ZNF418: variants seen among roughly 807,000 people sequenced by gnomAD.
ZNF418 encodes the protein zinc finger protein 418.
Under a neutral mutation model 32.0 loss-of-function variants are expected in ZNF418, and 32 were observed. The observed-to-expected ratio is 1.00, with a 90% CI of 0.75 to 1.34. The LOEUF is 1.34. ZNF418 is among the 40% of genes most tolerant of loss of function. The probability of loss-of-function intolerance (pLI) is 0.00; values close to 1 mark genes in which losing one functional copy is unlikely to be tolerated. For synonymous variants in ZNF418, 276 were observed against 270.7 expected, an observed-to-expected ratio of 1.02 and a Z score of -0.19; for missense variants, 804 against 812.5, an observed-to-expected ratio of 0.99 and a Z score of 0.13.
chr19:57,923,120 G>C (rs992426286), intron 5 of ZNF418, 72 bp downstream of exon 5: 1 of 151,832 alleles, frequency 6.6e-6, no homozygotes, highest in African/African-American at 2.4e-5. Flanking sequence ...GAACAACATG[G>C]TAAAACCCCA....
rs2072438853 is a variant in ZNF418, at chr19:57,930,475, A to G, written c.86T>C (p.Leu29Pro). ...GTTCTCCAGCATCACGTCATGGTAA[A>G]GGCATCTCTGAACCTCACTAAGGAG... ...WSLLSEVQRC[L>P]YHDVMLENWV... The change falls in exon 3 of 6, where the codon CTT (leucine) becomes CCT (proline). Residue 29 changes from leucine to proline, a missense_variant. Coordinates refer to ENST00000396147, the MANE Select transcript of ZNF418 (RefSeq NM_133460.3). The G allele has an allele frequency of 6.2e-7, 1 of 1,614,038 alleles. No homozygotes were observed. The highest frequency in any genetic ancestry group is 1.3e-5 in the African/African-American group (1 of 74,910).
chr19:57,934,992 C>G, intron 1 of ZNF418, 169 bp downstream of exon 1: 1 of 1,428,254 alleles, frequency 7.0e-7, no homozygotes, highest in Non-Finnish European at 9.2e-7. Flanking sequence ...GTGCCTGTCG[C>G]TCTCCCCACC....
At position 57,933,801 on chromosome 19, in the gene ZNF418, G is replaced by A. The variant is rs200704288; in HGVS notation, c.6+16C>T. The A allele has an allele frequency of 1.2e-6, 2 of 1,613,904 alleles. No homozygotes were observed. Among genetic ancestry groups the A allele is most frequent in the African/African-American group, 1.3e-5 (1 of 74,982 alleles). ...CCACAGCTCCTTACTCATTAATATGGTCCAGTAACCCTCACCTGCATTATG... is the reference window on the plus strand; with the variant it reads ...CCACAGCTCCTTACTCATTAATATGATCCAGTAACCCTCACCTGCATTATG... On this transcript the variant is annotated intron_variant, in intron 2 of 5. Transcript: ENST00000396147.
At chr19:57,923,662 C>T (rs1432225546) in intron 4 of ZNF418, among the ~76,000 whole-genome samples, 1 of 151,946 alleles carries the variant, frequency 6.6e-6, no homozygotes, top group Non-Finnish European at 1.5e-5. Context: ...GCAAGCTCCA[C>T]CTCCCGGGTT....
In ZNF418 at chr19:57,927,606, C is replaced by T. The variant is rs747397448; in HGVS notation, c.575G>A (p.Cys192Tyr). The change falls in exon 4 of 6, where the codon TGT becomes TAT. Residue 192 changes from cysteine to tyrosine, a missense_variant. This residue lies in a region of ZNF418 where 307 missense variants were observed against 304.9 expected (regional missense o/e 1.01). Coordinates refer to ENST00000396147, the MANE Select transcript of ZNF418 (RefSeq NM_133460.3). Reference sequence around the variant, plus strand: ...ATCTCCCCACTGAAAGGGAGACTCACACTCAGGTTTGCTGTTTGACTTCTC... The same window carrying T: ...ATCTCCCCACTGAAAGGGAGACTCATACTCAGGTTTGCTGTTTGACTTCTC... ...TGEKSNSKPE[C>Y]ESPFQWGDTH... The T allele has an allele frequency of 1.9e-6, 3 of 1,614,054 alleles. No individual in the cohort carries two copies. The highest frequency in any genetic ancestry group is 2.2e-5 in the South Asian group (2 of 91,074).
At position 57,926,101 on chromosome 19, in the gene ZNF418, A is replaced by T. The variant is rs2072204204; in HGVS notation, c.*49T>A. The T allele has an allele frequency of 2.7e-6, 4 of 1,482,710 alleles. No homozygotes were observed. In the Admixed American group the frequency reaches 5.7e-5, roughly 21 times the overall value. 91.8% of individuals were successfully genotyped at this position (1,482,710 alleles called of 1,614,324 possible). On this transcript the variant is annotated 3_prime_UTR_variant, in exon 4 of 6. Coordinates refer to ENST00000396147, the MANE Select transcript of ZNF418 (RefSeq NM_133460.3). ...GTCCTGATCCAGTAAGAACCCTCTGATCAAGAAGATGCACAGAGGTTTAGC... is the reference window on the plus strand; with the variant it reads ...GTCCTGATCCAGTAAGAACCCTCTGTTCAAGAAGATGCACAGAGGTTTAGC...
intron 1 of ZNF418, 133 bp from the exon 2 acceptor site, chr19:57,934,035 T>C (rs2072592455): frequency 2.0e-6 from 3 of 1,465,512 alleles, no homozygotes; most frequent in Admixed American, 2.4e-5. Context: ...TTTACATGGG[T>C]TGACAGAAAT....
intron 2 of ZNF418, among the ~76,000 whole-genome samples, chr19:57,931,453 C>T (rs900211326): frequency 6.6e-6 from 1 of 152,202 alleles, no homozygotes; most frequent in East Asian, 1.9e-4. Flanking sequence ...CCACCCACCT[C>T]GGCCTCCCAT....
chr19:57,924,571 C>G (rs1370423926), intron 4 of ZNF418, among the ~76,000 whole-genome samples: 1 of 152,174 alleles, frequency 6.6e-6, no homozygotes, highest in African/African-American at 2.4e-5. Flanking sequence ...TCTGTTCTTG[C>G]AGTGTCCTCC....
At chr19:57,929,172 G>A (rs1167958591) in intron 3 of ZNF418, among the ~76,000 whole-genome samples, 1 of 152,172 alleles carries the variant, frequency 6.6e-6, no homozygotes, top group Non-Finnish European at 1.5e-5. Flanking sequence ...CAAGTGACAA[G>A]GTGTACAACT....
Position 57,927,627 on chromosome 19 carries a change from T to G in ZNF418, c.554A>C (p.Lys185Thr). The change falls in exon 4 of 6, where the codon AAG becomes ACG. Residue 185 changes from lysine (K) to threonine (T), a missense_variant. Coordinates refer to ENST00000396147, the MANE Select transcript of ZNF418 (RefSeq NM_133460.3). ...LLQEATHTGE[K>T]SNSKPECESP... ...CTCACACTCAGGTTTGCTGTTTGAC[T>G]TCTCCCCAGTGTGAGTGGCCTCCTG... 6.2e-7 allele frequency: 1 copy of G among 1,614,008 alleles called. No individual in the cohort carries two copies. Among genetic ancestry groups the G allele is most frequent in the Non-Finnish European group, 8.5e-7 (1 of 1,179,892 alleles).
At chr19:57,923,535 T>TACACAC (rs1352069825) in intron 4 of ZNF418, among the ~76,000 whole-genome samples, 1 of 131,282 alleles carries the variant, frequency 7.6e-6, no homozygotes, top group African/African-American at 3.0e-5. Context: ...TACATATATA[T>TACACAC]ACATACACAC....
chr19:57,930,987 G>C (rs2072461986), intron 2 of ZNF418, among the ~76,000 whole-genome samples: 1 of 151,920 alleles, frequency 6.6e-6, no homozygotes, highest in African/African-American at 2.4e-5. Flanking sequence ...ATCTTGGCCA[G>C]GCTGGTCTTG....
At chr19:57,933,489 G>C (rs936789153) in intron 2 of ZNF418, among the ~76,000 whole-genome samples, 1 of 152,200 alleles carries the variant, frequency 6.6e-6, no homozygotes, top group African/African-American at 2.4e-5. Context: ...TTGGGAGGCC[G>C]AGGCCGATGG....
Position 57,927,151 on chromosome 19 carries a change from A to C in ZNF418, c.1030T>G (p.Cys344Gly), listed in dbSNP as rs370458500. ...RVHTGERPYE[C>G]EECGKCFTQK... ...GTAAAACATTTCCCACATTCTTCAC[A>C]CTCATAAGGTCTTTCTCCAGTGTGA... The change falls in exon 4 of 6, where the codon TGT becomes GGT. Residue 344 changes from cysteine (C) to glycine (G), a missense_variant. This residue lies in a region of ZNF418 where 475 missense variants were observed against 458.6 expected (regional missense o/e 1.04). Transcript: ENST00000396147. 5.0e-5 allele frequency: 81 copies of C among 1,613,514 alleles called. No individual in the cohort carries two copies. In the African/African-American group the frequency reaches 9.8e-4, roughly 19 times the overall value.
chr19:57,926,621 A>C lies in ZNF418; in HGVS notation c.1560T>G (p.Pro520=), dbSNP rs1390437394. Residue 520 remains proline (P), a synonymous_variant, in exon 4 of 6, where the codon CCT becomes CCG. Coordinates refer to ENST00000396147, the MANE Select transcript of ZNF418 (RefSeq NM_133460.3). Reference sequence around the variant, plus strand: ...GATGTCGAAGGAGGGAACAGCTTTGAGGAAATGACTTCCCACATTCACTAC... The same window carrying C: ...GATGTCGAAGGAGGGAACAGCTTTGCGGAAATGACTTCCCACATTCACTAC... ...FECSECGKSF[P]QSCSLLRHRR... 1 of 1,614,066 alleles carries C rather than the reference A, an allele frequency of 6.2e-7. No individual in the cohort carries two copies.
In ZNF418 at chr19:57,927,557, G is replaced by C; in HGVS notation, c.624C>G (p.Cys208Trp). 6.2e-7 allele frequency: 1 copy of C among 1,614,246 alleles called. No individual in the cohort carries two copies. Among genetic ancestry groups the C allele is most frequent in the Non-Finnish European group, 8.5e-7 (1 of 1,180,046 alleles). Residue 208 changes from cysteine to tryptophan, a missense_variant, in exon 4 of 6, where the codon TGC becomes TGG. Cys to Trp is a radical substitution (Grantham distance 215). Transcript: ENST00000396147. ...CGTGTTTGGTGCTAGAATGTTTCAT[G>C]CATTCTCCACAGCTGTAATGAGTAT... The part of the protein sequence containing the change: ...WGDTHYSCGE[C>W]MKHSSTKHVF...
At position 57,927,418 on chromosome 19, in the gene ZNF418, T is replaced by G. The variant is rs747290969; in HGVS notation, c.763A>C (p.Lys255Gln). The G allele has an allele frequency of 1.2e-6, 2 of 1,614,112 alleles. No homozygotes were observed. Among genetic ancestry groups the G allele is most frequent in the Non-Finnish European group, 1.7e-6 (2 of 1,179,980 alleles). ...CATTCTCCACATTCATAAGGTCTTT[T>G]CCCAGTGTGAACTCTCTGATGATTA... Reference protein sequence around the residue: ...VSNHQRVHTGKRPYECGECGK... With the variant: ...VSNHQRVHTGQRPYECGECGK... Residue 255 changes from lysine to glutamine, a missense_variant, in exon 4 of 6, where the codon AAA becomes CAA. By Grantham distance (53) the Lys-to-Gln change is moderately conservative. This residue lies in a region of ZNF418 where 307 missense variants were observed against 304.9 expected (regional missense o/e 1.01). Transcript: ENST00000396147.
Position 57,935,221 on chromosome 19 carries a change from G to A in ZNF418, c.-141C>T, listed in dbSNP as rs2123147762. ...CGAGTACGCGGGGAAAGCACTGCCGGGAGCGGCGGGCGCCGTTACGGGGCC... is the reference window on the plus strand; with the variant it reads ...CGAGTACGCGGGGAAAGCACTGCCGAGAGCGGCGGGCGCCGTTACGGGGCC... On this transcript the variant is annotated 5_prime_UTR_variant, in exon 1 of 6. Coordinates refer to ENST00000396147, the MANE Select transcript of ZNF418 (RefSeq NM_133460.3). The A allele has an allele frequency of 4.8e-6, 6 of 1,244,394 alleles. No individual in the cohort carries two copies. In the South Asian group the frequency reaches 9.4e-5, roughly 20 times the overall value. The allele number at this position is 1,244,394 out of a possible 1,614,324, so 77.1% of individuals were successfully genotyped here.
Sources: gnomAD v4.1 joint callset for allele counts (sites outside exome capture counted in the v4.1 genomes callset) on GRCh38, gnomAD v4.1.1 for gene constraint, gnomAD v4.1.1 regional missense constraint, MANE v1.5 for transcripts, NCBI Gene and HGNC (gene_info 2026-07-23, HGNC 2026-07-21) for gene names.